HS2ST1: variants seen among roughly 807,000 people sequenced by gnomAD.
HS2ST1 encodes heparan sulfate 2-O-sulfotransferase 1.
A neutral mutation model predicts 42.9 loss-of-function variants in HS2ST1; 18 were observed. That is an observed-to-expected ratio of 0.42 (90% CI 0.29 to 0.62). The LOEUF is 0.62. Among genes scored for constraint, HS2ST1 ranks in the 20% least tolerant of loss-of-function variants. The pLI, the probability that HS2ST1 is intolerant of heterozygous loss-of-function variation, is 0.21. For missense variants in HS2ST1, 334 were observed against 433.8 expected, an observed-to-expected ratio of 0.77 and a Z score of 2.04; for synonymous variants, 146 against 152.9, an observed-to-expected ratio of 0.95 and a Z score of 0.33.
chr1:86,941,526 C>T, intron 1 of HS2ST1, among the ~76,000 whole-genome samples: 1 of 151,994 alleles, frequency 6.6e-6, no homozygotes, highest in East Asian at 1.9e-4. Flanking sequence ...AATCCCAGCA[C>T]TTTGGGAGGC....
intron 2 of HS2ST1, among the ~76,000 whole-genome samples, chr1:87,080,093 A>T (rs1429916647): frequency 6.6e-6 from 1 of 152,154 alleles, no homozygotes; most frequent in Non-Finnish European, 1.5e-5. Flanking sequence ...TTAAAGCAAT[A>T]ATAATCACCT....
intron 1 of HS2ST1, among the ~76,000 whole-genome samples, chr1:87,025,818 C>A (rs75178230): frequency 0.024 from 3,651 of 152,084 alleles, 47 homozygotes; most frequent in South Asian, 0.053. Context: ...GCATGTGATT[C>A]TTCCAGGAAT....
At chr1:87,046,896 C>T (rs1468636547) in intron 1 of HS2ST1, among the ~76,000 whole-genome samples, 18 of 148,588 alleles carry the variant, frequency 1.2e-4, no homozygotes, top group African/African-American at 4.2e-4. Flanking sequence ...TTAGTAGAGA[C>T]GGGCTTTCAC....
chr1:86,981,935 T>A (rs1648606470), intron 1 of HS2ST1, among the ~76,000 whole-genome samples: 1 of 152,244 alleles, frequency 6.6e-6, no homozygotes, highest in Non-Finnish European at 1.5e-5. Context: ...AGGTTCTCCA[T>A]GAGAGCTCTG....
At chr1:86,989,747 T>C (rs1648889308) in intron 1 of HS2ST1, among the ~76,000 whole-genome samples, 2 of 152,222 alleles carry the variant, frequency 1.3e-5, no homozygotes, top group African/African-American at 4.8e-5. Flanking sequence ...CAGGCCCCAG[T>C]GTGTGATATT....
At chr1:86,982,571 G>T (rs1648627842) in intron 1 of HS2ST1, among the ~76,000 whole-genome samples, 1 of 151,962 alleles carries the variant, frequency 6.6e-6, no homozygotes, top group African/African-American at 2.4e-5. Flanking sequence ...CTGGAGTGCA[G>T]TGGCGCCATC....
intron 1 of HS2ST1, among the ~76,000 whole-genome samples, chr1:86,938,616 G>A (rs1025358202): frequency 4.6e-5 from 7 of 151,990 alleles, no homozygotes; most frequent in African/African-American, 1.7e-4. Context: ...GCTGGGATGG[G>A]GTGGATGAGT....
intron 1 of HS2ST1, among the ~76,000 whole-genome samples, chr1:86,975,815 G>A (rs139689019): frequency 1.3e-5 from 2 of 152,160 alleles, no homozygotes; most frequent in African/African-American, 4.8e-5. Context: ...TTGTTCTCTG[G>A]TTATACAACT....
At chr1:87,100,797 C>T (rs1275765998) in intron 5 of HS2ST1, among the ~76,000 whole-genome samples, 1 of 152,070 alleles carries the variant, frequency 6.6e-6, no homozygotes, top group African/African-American at 2.4e-5. Context: ...GGCATATGCC[C>T]ATAGTCCCAG....
chr1:86,970,408 AT>A (rs529546146), intron 1 of HS2ST1, among the ~76,000 whole-genome samples: 1 of 150,354 alleles, frequency 6.7e-6, no homozygotes, highest in Admixed American at 6.6e-5. Context: ...TTAATTTATA[AT>A]TTTTTTTTTG....
intron 1 of HS2ST1, among the ~76,000 whole-genome samples, chr1:87,038,174 A>G (rs1040064124): frequency 5.9e-5 from 9 of 152,072 alleles, no homozygotes; most frequent in Non-Finnish European, 1.0e-4. Flanking sequence ...GGTCTGTTCT[A>G]TGACAATATG....
Position 87,105,542 on chromosome 1 carries a change from G to A in HS2ST1, c.*846G>A, listed in dbSNP as rs1346748511. 6.6e-6 allele frequency: 1 copy of A among 152,262 alleles called. No homozygotes were observed. Among genetic ancestry groups the A allele is most frequent in the Non-Finnish European group, 1.5e-5 (1 of 67,952 alleles). The allele number at this position is 152,262 out of a possible 1,614,324, so 9.4% of individuals were successfully genotyped here. A position where few individuals can be genotyped will look rare whatever the true frequency, so the allele number is the denominator to read the frequency against. On this transcript the variant is annotated 3_prime_UTR_variant, in exon 7 of 7. Transcript: ENST00000370550. ...ATTATGACTCCATTAGTGAGCTGTG[G>A]TATGGGTAGGATTTTCCTACTTCTT...
rs181918594 is a variant in HS2ST1 at position 86,925,353 on chromosome 1, A to G, written c.124+10193A>G. On this transcript the variant is annotated intron_variant, in intron 1 of 6. Transcript: ENST00000370550. ...ACCTCTGCCTATTACCCAGTCCCAA[A>G]GTAGCTTCCACATTTTTGGGTATCT... 2.8e-3 allele frequency among the ~76,000 whole-genome samples: 423 copies of G among 152,300 alleles called. 1 individual carries two copies. Among genetic ancestry groups the G allele is most frequent in the South Asian group, 0.023 (109 of 4,822 alleles).
At chr1:87,093,240 A>G (rs1651987127) in intron 4 of HS2ST1, among the ~76,000 whole-genome samples, 1 of 152,094 alleles carries the variant, frequency 6.6e-6, no homozygotes, top group African/African-American at 2.4e-5. Flanking sequence ...GGATTAAGAC[A>G]TAGGAGACAC....
chr1:87,009,067 C>T (rs1649518911), intron 1 of HS2ST1, among the ~76,000 whole-genome samples: 1 of 152,198 alleles, frequency 6.6e-6, no homozygotes, highest in Non-Finnish European at 1.5e-5. Context: ...TGGTCTCAAA[C>T]TCCTGAGCTC....
At chr1:86,994,093 T>TA (rs1053007350) in intron 1 of HS2ST1, among the ~76,000 whole-genome samples, 22 of 152,042 alleles carry the variant, frequency 1.4e-4, no homozygotes, top group Non-Finnish European at 2.4e-4. Context: ...AGAAGTATGT[T>TA]AAAAAAAACA....
intron 1 of HS2ST1, among the ~76,000 whole-genome samples, chr1:87,011,173 GTCAAA>G (rs1339547912): frequency 6.6e-6 from 1 of 152,028 alleles, no homozygotes; most frequent in Non-Finnish European, 1.5e-5. Flanking sequence ...TTTCCTTCCT[GTCAAA>G]TCAAAAAGCC....
chr1:86,979,980 T>C (rs1195822605), intron 1 of HS2ST1, among the ~76,000 whole-genome samples: 1 of 152,242 alleles, frequency 6.6e-6, no homozygotes, highest in African/African-American at 2.4e-5. Context: ...CTATTTCTTC[T>C]TTGGAAAATC....
At chr1:86,939,988 T>TAA (rs1232889952) in intron 1 of HS2ST1, among the ~76,000 whole-genome samples, 1 of 152,244 alleles carries the variant, frequency 6.6e-6, no homozygotes, top group African/African-American at 2.4e-5. Context: ...CCAGTTAAAC[T>TAA]ATTTACTGTT....
Sources: gnomAD v4.1 joint callset for allele counts (sites outside exome capture counted in the v4.1 genomes callset) on GRCh38, gnomAD v4.1.1 for gene constraint, MANE v1.5 for transcripts, NCBI Gene and HGNC (gene_info 2026-07-23, HGNC 2026-07-21) for gene names.